The following SSUH2 variants were observed in gnomAD, a reference collection of about 807,000 sequenced individuals.
The protein encoded by SSUH2 is protein SSUH2 homolog.
A neutral mutation model predicts 55.3 loss-of-function variants in SSUH2; 47 were observed. The observed-to-expected ratio is 0.85, with a 90% CI of 0.67 to 1.08. The LOEUF is 1.08. Ranked by LOEUF, SSUH2 falls within the 50% of genes least tolerant of loss-of-function variation. SSUH2 has a pLI of 0.00. For synonymous variants in SSUH2, 212 were observed against 191.5 expected (o/e 1.11, Z -0.89); for missense variants, 535 against 490.7 (o/e 1.09, Z -0.85).
rs1021214723 is a variant in SSUH2, at chr3:8,644,794, C to T, written c.-36G>A. 1.2e-5 allele frequency: 18 copies of T among 1,534,816 alleles called. No individual in the cohort carries two copies. The highest frequency in any genetic ancestry group is 5.9e-5 in the Admixed American group (3 of 50,972). ...TCCTGCCAAAGAGATGTCTGCCCTT[C>T]GAGTGTGCTTGGACCGATGTGCTCT... is the stretch of plus-strand genomic sequence containing the variant. On this transcript the variant is annotated 5_prime_UTR_variant, in exon 1 of 12. Transcript: ENST00000544814.
At chr3:8,648,347 G>A (rs562310969), upstream of SSUH2, among the ~76,000 whole-genome samples, 24 of 152,332 alleles carry the variant, frequency 1.6e-4, no homozygotes, top group East Asian at 3.9e-3. Context: ...AGGGGAAGGA[G>A]CGTGGCATGG....
upstream of SSUH2, among the ~76,000 whole-genome samples, chr3:8,648,392 G>A (rs945412725): frequency 6.6e-5 from 10 of 152,194 alleles, no homozygotes; most frequent in Non-Finnish European, 4.4e-5. Context: ...GGCTTGGCCC[G>A]TGTAAGTCTG....
chr3:8,674,717 C>T (rs1023374444), intron 3 of SSUH2, among the ~76,000 whole-genome samples: 1 of 152,170 alleles, frequency 6.6e-6, no homozygotes, highest in Non-Finnish European at 1.5e-5. Context: ...GAGCCACTAC[C>T]TCTTTGACAG....
At chr3:8,674,383 G>A (rs950219852) in intron 3 of SSUH2, among the ~76,000 whole-genome samples, 5 of 152,190 alleles carry the variant, frequency 3.3e-5, no homozygotes, top group African/African-American at 7.2e-5. Flanking sequence ...GAAGGGGCCC[G>A]GCTCAACCTG....
chr3:8,627,422 G>C (rs920416938), intron 8 of SSUH2: 6 of 350,798 alleles, frequency 1.7e-5, no homozygotes, highest in Non-Finnish European at 3.1e-5. Flanking sequence ...CTCCTTTCCT[G>C]GTAACCCCGT....
intron 3 of SSUH2, among the ~76,000 whole-genome samples, chr3:8,675,501 G>T (rs565441555): frequency 3.9e-5 from 6 of 152,326 alleles, no homozygotes; most frequent in South Asian, 4.1e-4. Flanking sequence ...AGGACTGTGG[G>T]TATAAGGCGT....
intron 5 of SSUH2, among the ~76,000 whole-genome samples, chr3:8,665,013 C>T (rs1244447209): frequency 6.6e-6 from 1 of 152,178 alleles, no homozygotes; most frequent in Non-Finnish European, 1.5e-5. Context: ...ATCACCCTCA[C>T]ACAAGAACAA....
intron 4 of SSUH2, among the ~76,000 whole-genome samples, chr3:8,633,142 CT>C (rs139752594): frequency 0.39 from 46,375 of 119,536 alleles, 7,431 homozygotes; most frequent in East Asian, 0.61. Flanking sequence ...TTGATGACGC[CT>C]TTTTTTTTTT....
intron 7 of SSUH2, among the ~76,000 whole-genome samples, chr3:8,655,762 C>T (rs191896219): frequency 2.1e-4 from 32 of 152,352 alleles, no homozygotes; most frequent in African/African-American, 7.5e-4. Context: ...AATCAGAAAA[C>T]TGATAACACA....
chr3:8,660,430 G>T (rs180865687), intron 6 of SSUH2, among the ~76,000 whole-genome samples: 1 of 152,096 alleles, frequency 6.6e-6, no homozygotes, highest in Admixed American at 6.6e-5. Flanking sequence ...GCAAGTCAAG[G>T]GTTAAGAAGA....
intron 5 of SSUH2, among the ~76,000 whole-genome samples, chr3:8,669,621 G>A (rs777911877): frequency 6.6e-6 from 1 of 152,188 alleles, no homozygotes. Context: ...CCAATCACAT[G>A]ATCAAGGCTA....
At chr3:8,661,764 G>GT (rs1372823471) in intron 6 of SSUH2, among the ~76,000 whole-genome samples, 2 of 152,216 alleles carry the variant, frequency 1.3e-5, no homozygotes, top group African/African-American at 4.8e-5. Context: ...GGAACCTGTT[G>GT]TAAGTAAGCA....
intron 10 of SSUH2, among the ~76,000 whole-genome samples, chr3:8,624,029 T>G (rs1464058477): frequency 6.6e-6 from 1 of 152,166 alleles, no homozygotes; most frequent in Non-Finnish European, 1.5e-5. Flanking sequence ...AACCGCCCTC[T>G]AAGGGTCAGG....
At chr3:8,644,506 G>A (rs1247606527) in intron 1 of SSUH2, among the ~76,000 whole-genome samples, 2 of 152,150 alleles carry the variant, frequency 1.3e-5, no homozygotes. Flanking sequence ...CTTTACACAC[G>A]AGAGGAAGGA....
At chr3:8,624,155 C>T (rs903118) in intron 10 of SSUH2, among the ~76,000 whole-genome samples, 1 of 152,128 alleles carries the variant, frequency 6.6e-6, no homozygotes, top group African/African-American at 2.4e-5. Flanking sequence ...GCCCCCAGAT[C>T]CCCTTCTGCC....
chr3:8,631,918 G>C, intron 5 of SSUH2, 131 bp downstream of exon 5: 1 of 699,690 alleles, frequency 1.4e-6, no homozygotes, highest in South Asian at 1.7e-5. Flanking sequence ...TTTGCAGGGG[G>C]TAAGGAAGCC....
chr3:8,665,029 G>T (rs1182437063), intron 5 of SSUH2, among the ~76,000 whole-genome samples: 1 of 152,120 alleles, frequency 6.6e-6, no homozygotes, highest in African/African-American at 2.4e-5. Flanking sequence ...AACAATCCCT[G>T]CTGTCTACAC....
intron 7 of SSUH2, chr3:8,629,393 A>G (rs114687855): frequency 4.3e-4 from 213 of 490,272 alleles, no homozygotes; most frequent in African/African-American, 3.8e-3. Flanking sequence ...GGTCAGAGCC[A>G]AGCAGGTATT....
At chr3:8,629,606 C>T (rs868195140) in intron 7 of SSUH2, 58 bp downstream of exon 7, 9 of 1,579,950 alleles carry the variant, frequency 5.7e-6, no homozygotes, top group Middle Eastern at 1.7e-4. Flanking sequence ...CCGCTGTCCC[C>T]AGGATCCCCC....
Sources: allele counts gnomAD v4.1 joint callset (sites outside exome capture counted in the v4.1 genomes callset), GRCh38; gene constraint gnomAD v4.1.1; transcripts MANE v1.5; gene names NCBI Gene and HGNC (gene_info 2026-07-23, HGNC 2026-07-21).